Variants in CDH13 observed in about 807,000 individuals in gnomAD.
CDH13 encodes the protein cadherin 13.
CDH13 carries 24 observed loss-of-function variants against 63.8 expected under a neutral mutation model. The ratio of observed to expected loss-of-function variants is 0.38; its 90% CI spans 0.27 to 0.53. CDH13 has a LOEUF of 0.53. CDH13 is among the 20% of genes least tolerant of loss of function. CDH13 has a pLI of 0.85. For missense variants in CDH13, 1,049 were observed against 903.1 expected (o/e 1.16, Z -2.07); for synonymous variants, 503 against 355.3 (o/e 1.42, Z -4.67).
At position 83,157,744 on chromosome 16, in the gene CDH13, A is replaced by T. The variant is rs1315718514; in HGVS notation, c.483+32243A>T. 1.3e-3 allele frequency among the ~76,000 whole-genome samples: 108 copies of T among 84,336 alleles called. 2 individuals carry two copies. In the East Asian group the frequency reaches 0.033, roughly 25 times the overall value. 55.3% of individuals were successfully genotyped at this position (84,336 alleles called of 152,430 possible). On this transcript the variant is annotated intron_variant, in intron 4 of 13. Coordinates refer to ENST00000567109, the MANE Select transcript of CDH13 (RefSeq NM_001257.5). ...CCCGTCTCTACTAGAAATATAAAAA[A>T]AAAAAAAAAAAAAAAAAAATTATCT...
intron 1 of CDH13, among the ~76,000 whole-genome samples, chr16:82,685,849 C>G (rs779818199): frequency 6.6e-6 from 1 of 152,186 alleles, no homozygotes; most frequent in Non-Finnish European, 1.5e-5. Flanking sequence ...TAAAACAGAA[C>G]CTTTGTTTTA....
intron 8 of CDH13, among the ~76,000 whole-genome samples, chr16:83,646,664 C>T (rs1026637937): frequency 8.0e-6 from 1 of 125,734 alleles, no homozygotes; most frequent in Non-Finnish European, 1.6e-5. Flanking sequence ...TGCACTCCAG[C>T]CTGGGTGACA....
At chr16:83,515,592 T>A (rs1421955700) in intron 7 of CDH13, among the ~76,000 whole-genome samples, 2 of 152,200 alleles carry the variant, frequency 1.3e-5, no homozygotes, top group Non-Finnish European at 2.9e-5. Flanking sequence ...GCCCCAGCTG[T>A]CAAAGTTTCC....
chr16:82,789,946 C>T (rs755431503), intron 1 of CDH13, among the ~76,000 whole-genome samples: 1 of 152,112 alleles, frequency 6.6e-6, no homozygotes, highest in Non-Finnish European at 1.5e-5. Context: ...ACAATCCTGA[C>T]ATCTTTCTCA....
chr16:83,241,296 G>A (rs1351117807), intron 5 of CDH13, among the ~76,000 whole-genome samples: 2 of 152,154 alleles, frequency 1.3e-5, no homozygotes, highest in Non-Finnish European at 2.9e-5. Flanking sequence ...ACTTCACTGG[G>A]TATGCAAGTA....
intron 4 of CDH13, among the ~76,000 whole-genome samples, chr16:83,194,960 A>G (rs1189866620): frequency 6.6e-6 from 1 of 152,242 alleles, no homozygotes; most frequent in East Asian, 1.9e-4. Flanking sequence ...TTTAAAGCGA[A>G]TGGTAATATT....
chr16:83,571,049 C>T (rs115729980), intron 7 of CDH13, among the ~76,000 whole-genome samples: 1,640 of 149,698 alleles, frequency 0.011, 38 homozygotes, highest in African/African-American at 0.038. Flanking sequence ...TCCTCTCCAG[C>T]GTGAGGGAAC....
chr16:83,468,413 G>A (rs539869652), intron 6 of CDH13, among the ~76,000 whole-genome samples: 1 of 152,194 alleles, frequency 6.6e-6, no homozygotes, highest in Non-Finnish European at 1.5e-5. Flanking sequence ...AGGGAGCACA[G>A]CCCCGCCCAC....
At chr16:82,695,254 A>G (rs1423618566) in intron 1 of CDH13, among the ~76,000 whole-genome samples, 4 of 152,190 alleles carry the variant, frequency 2.6e-5, no homozygotes, top group Non-Finnish European at 5.9e-5. Context: ...AGAGTATCTC[A>G]AAGTCTCCCT....
intron 2 of CDH13, among the ~76,000 whole-genome samples, chr16:82,981,910 C>G (rs1357413352): frequency 6.6e-6 from 1 of 152,108 alleles, no homozygotes; most frequent in African/African-American, 2.4e-5. Context: ...CCTTTCCTAC[C>G]CCAGCCTTGA....
Position 82,779,230 on chromosome 16 carries a change from G to A in CDH13, c.46-79132G>A, listed in dbSNP as rs147113237. ...TAAGTACTATTTTCCCCATTTTCTAGATGAGAAAACCGAGGTGTAGGGAAG... is the reference window on the plus strand; with the variant it reads ...TAAGTACTATTTTCCCCATTTTCTAAATGAGAAAACCGAGGTGTAGGGAAG... On this transcript the variant is annotated intron_variant, in intron 1 of 13. Coordinates refer to ENST00000567109, the MANE Select transcript of CDH13 (RefSeq NM_001257.5). 3.2e-3 allele frequency among the ~76,000 whole-genome samples: 492 copies of A among 152,274 alleles called. 4 individuals carry two copies. Among genetic ancestry groups the A allele is most frequent in the African/African-American group, 1.0e-2 (414 of 41,556 alleles).
chr16:83,737,522 G>A (rs1487710621), intron 10 of CDH13, among the ~76,000 whole-genome samples: 1 of 151,134 alleles, frequency 6.6e-6, no homozygotes, highest in Non-Finnish European at 1.5e-5. Context: ...TTTTTTTTGG[G>A]AAATATTGCC....
chr16:83,163,997 C>T (rs915177686), intron 4 of CDH13, among the ~76,000 whole-genome samples: 5 of 152,076 alleles, frequency 3.3e-5, no homozygotes, highest in African/African-American at 9.6e-5. Flanking sequence ...ATTTTGCAAA[C>T]ATTATCTAAT....
intron 2 of CDH13, among the ~76,000 whole-genome samples, chr16:83,012,321 T>C (rs1424046319): frequency 5.9e-5 from 3 of 50,824 alleles, no homozygotes; most frequent in Admixed American, 2.2e-4. Context: ...TTCTTTCCTT[T>C]TTTTTTTTTT....
At chr16:83,659,147 G>C (rs918140083) in intron 8 of CDH13, among the ~76,000 whole-genome samples, 7 of 146,306 alleles carry the variant, frequency 4.8e-5, no homozygotes, top group Non-Finnish European at 1.0e-4. Context: ...CACCAGCAAG[G>C]TCCCATGTCC....
At chr16:82,810,949 A>T (rs2037410554) in intron 1 of CDH13, among the ~76,000 whole-genome samples, 1 of 152,166 alleles carries the variant, frequency 6.6e-6, no homozygotes, top group Non-Finnish European at 1.5e-5. Context: ...AATGGTTCTT[A>T]GCTGCTTCGT....
chr16:83,759,955 A>T (rs1462870080), intron 11 of CDH13, among the ~76,000 whole-genome samples: 1 of 147,950 alleles, frequency 6.8e-6, no homozygotes, highest in Non-Finnish European at 1.5e-5. Flanking sequence ...AAAAAAAAAG[A>T]AAGAAATCCT....
chr16:82,934,275 T>G (rs1190909568), intron 2 of CDH13, among the ~76,000 whole-genome samples: 1 of 152,226 alleles, frequency 6.6e-6, no homozygotes, highest in Non-Finnish European at 1.5e-5. Flanking sequence ...ACATGGAAGC[T>G]GCCAAGGCTC....
intron 2 of CDH13, among the ~76,000 whole-genome samples, chr16:82,928,822 G>A (rs887618621): frequency 2.6e-5 from 4 of 152,206 alleles, no homozygotes; most frequent in Non-Finnish European, 5.9e-5. Flanking sequence ...AGATTGGGGT[G>A]ACCAGTGTTT....
Sources: gnomAD v4.1 joint callset for allele counts (sites outside exome capture counted in the v4.1 genomes callset) on GRCh38, gnomAD v4.1.1 for gene constraint, MANE v1.5 for transcripts, NCBI Gene and HGNC (gene_info 2026-07-23, HGNC 2026-07-21) for gene names.